The following AGBL3 variants were observed in gnomAD, a reference collection of about 807,000 sequenced individuals.
The protein encoded by AGBL3 is cytosolic carboxypeptidase 3.
Under a neutral mutation model 94.5 loss-of-function variants are expected in AGBL3, and 68 were observed. That is an observed-to-expected ratio of 0.72 (90% confidence interval 0.59 to 0.88). The LOEUF is 0.88. AGBL3 is among the 40% of genes least tolerant of loss of function. The pLI, the probability that AGBL3 is intolerant of heterozygous loss-of-function variation, is 0.00. For synonymous variants in AGBL3, 354 were observed against 370.7 expected, an observed-to-expected ratio of 0.95 and a Z score of 0.52; for missense variants, 934 against 1,103.8, an observed-to-expected ratio of 0.85 and a Z score of 2.18.
intron 12 of AGBL3, among the ~76,000 whole-genome samples, chr7:135,071,271 A>G (rs1423576798): frequency 1.3e-5 from 2 of 152,156 alleles, no homozygotes; most frequent in African/African-American, 2.4e-5. Flanking sequence ...GGGAAGAATC[A>G]ATATCGTGAA....
intron 15 of AGBL3, among the ~76,000 whole-genome samples, chr7:135,088,414 T>C (rs1426334520): frequency 1.3e-5 from 2 of 152,176 alleles, no homozygotes; most frequent in East Asian, 1.9e-4. Flanking sequence ...TGTCATTTAA[T>C]GGTTTTCTAT....
At chr7:135,112,323 C>G (rs1410260908) in intron 15 of AGBL3, among the ~76,000 whole-genome samples, 1 of 152,150 alleles carries the variant, frequency 6.6e-6, no homozygotes. Flanking sequence ...CTTCAATGTC[C>G]CCCTGTTTCA....
chr7:135,036,774 A>G (rs1203451539), intron 7 of AGBL3, among the ~76,000 whole-genome samples: 1 of 152,232 alleles, frequency 6.6e-6, no homozygotes, highest in Non-Finnish European at 1.5e-5. Context: ...ATAGAGAAAG[A>G]AGATATTTCA....
At position 135,084,073 on chromosome 7, in the gene AGBL3, T is replaced by C. The variant is rs148616377; in HGVS notation, c.2110+2283T>C. Among the ~76,000 whole-genome samples, 17 of 152,238 alleles carry C rather than the reference T, an allele frequency of 1.1e-4. No homozygotes were observed. In the East Asian group the frequency reaches 3.3e-3, roughly 29 times the overall value. On this transcript the variant is annotated intron_variant, in intron 15 of 16. Coordinates refer to ENST00000436302, the MANE Select transcript of AGBL3 (RefSeq NM_178563.4). ...TTCTTATGTAATTTTCTTTCAATAATGGTCTATTACTCAAAATTTTTTCCT... is the reference window on the plus strand; with the variant it reads ...TTCTTATGTAATTTTCTTTCAATAACGGTCTATTACTCAAAATTTTTTCCT...
chr7:135,041,006 A>G (rs939168178), intron 8 of AGBL3, among the ~76,000 whole-genome samples: 1 of 152,212 alleles, frequency 6.6e-6, no homozygotes, highest in Non-Finnish European at 1.5e-5. Flanking sequence ...ATTGGAAACC[A>G]AAGTTAAAAA....
At chr7:135,118,341 G>A (rs1826619656) in intron 16 of AGBL3, among the ~76,000 whole-genome samples, 1 of 152,154 alleles carries the variant, frequency 6.6e-6, no homozygotes, top group Admixed American at 6.5e-5. Flanking sequence ...TAAAAATCAC[G>A]CCATGTCCTA....
intron 15 of AGBL3, among the ~76,000 whole-genome samples, chr7:135,113,427 A>G (rs529600183): frequency 6.6e-6 from 1 of 152,294 alleles, no homozygotes; most frequent in South Asian, 2.1e-4. Flanking sequence ...TATAAATTAT[A>G]TTATTTTGCC....
chr7:135,012,612 G>C (rs1265846552), intron 4 of AGBL3: 1 of 152,086 alleles, frequency 6.6e-6, no homozygotes, highest in East Asian at 1.9e-4. Context: ...GTGGAACAGA[G>C]TAAAATGTCC....
intron 16 of AGBL3, among the ~76,000 whole-genome samples, chr7:135,121,980 T>C (rs893167246): frequency 2.6e-5 from 4 of 152,164 alleles, no homozygotes; most frequent in African/African-American, 9.7e-5. Context: ...AGTTTCTCAA[T>C]AGCCTCTTAG....
chr7:135,033,847 T>C (rs767685570), intron 6 of AGBL3, among the ~76,000 whole-genome samples: 32 of 152,324 alleles, frequency 2.1e-4, no homozygotes, highest in Non-Finnish European at 3.5e-4. Context: ...TCATTTCTTA[T>C]ATAGAAAACA....
chr7:135,128,509 G>C (rs1828272611), intron 16 of AGBL3: 3 of 759,486 alleles, frequency 4.0e-6, no homozygotes, highest in Non-Finnish European at 7.4e-6. Flanking sequence ...CGATGGAGAT[G>C]AATTTAGAAA....
At chr7:135,051,395 C>T (rs1817860751) in intron 11 of AGBL3, among the ~76,000 whole-genome samples, 1 of 151,998 alleles carries the variant, frequency 6.6e-6, no homozygotes, top group Admixed American at 6.6e-5. Context: ...AATACAAGAC[C>T]AATTAAATTG....
chr7:135,065,967 A>C (rs191767168), intron 12 of AGBL3, among the ~76,000 whole-genome samples: 3 of 152,348 alleles, frequency 2.0e-5, no homozygotes, highest in African/African-American at 7.2e-5. Context: ...ACTACACACA[A>C]AAAGTCAACT....
In AGBL3 at chr7:135,116,923, C is replaced by T. The variant is rs374993488; in HGVS notation, c.2342+1312C>T. On this transcript the variant is annotated intron_variant, in intron 16 of 16. Coordinates refer to ENST00000436302, the MANE Select transcript of AGBL3 (RefSeq NM_178563.4). ...TGGGCACATTTGTGTTTTCAGATTG[C>T]TGGCTTCTTCAGCTCCAAGTCTTGG... Among the ~76,000 whole-genome samples the T allele has an allele frequency of 4.9e-4, 74 of 152,288 alleles. 1 individual carries two copies. The South Asian group carries it at 0.015, about 30-fold the overall frequency.
At chr7:135,009,915 A>G (rs928730951) in intron 4 of AGBL3, 3 of 352,342 alleles carry the variant, frequency 8.5e-6, no homozygotes, top group Non-Finnish European at 1.6e-5. Flanking sequence ...CTTTTCGCAG[A>G]CTTTGGAGCA....
intron 4 of AGBL3, among the ~76,000 whole-genome samples, chr7:135,001,024 T>A (rs1268321641): frequency 1.3e-5 from 2 of 152,238 alleles, no homozygotes; most frequent in African/African-American, 4.8e-5. Context: ...GTATACTGGA[T>A]AAAGGGCAAA....
intron 4 of AGBL3, chr7:134,995,320 A>G (rs1473136823): frequency 6.6e-6 from 1 of 152,082 alleles, no homozygotes; most frequent in Non-Finnish European, 1.5e-5. Context: ...TGCTCATTCC[A>G]CTCAACTTGG....
chr7:134,997,629 C>T (rs779175448), intron 4 of AGBL3, among the ~76,000 whole-genome samples: 1 of 152,172 alleles, frequency 6.6e-6, no homozygotes, highest in Non-Finnish European at 1.5e-5. Context: ...CTACCACCAC[C>T]ACCACCACAA....
intron 5 of AGBL3, among the ~76,000 whole-genome samples, chr7:135,019,331 T>C (rs1391702319): frequency 6.6e-6 from 1 of 152,214 alleles, no homozygotes; most frequent in South Asian, 2.1e-4. Context: ...TTTTGATGAG[T>C]AGAACTTTTA....
Sources: allele counts gnomAD v4.1 joint callset (sites outside exome capture counted in the v4.1 genomes callset), GRCh38; gene constraint gnomAD v4.1.1; transcripts MANE v1.5; gene names NCBI Gene and HGNC (gene_info 2026-07-23, HGNC 2026-07-21).